The following RUNX1T1 variants were observed in gnomAD, a reference collection of about 807,000 sequenced individuals.
RUNX1T1 encodes RUNX1 partner transcriptional co-repressor 1, also known as protein CBFA2T1.
In RUNX1T1, 4 loss-of-function variants were observed where a neutral mutation model predicts 62.8. That is an observed-to-expected ratio of 0.06 (90% CI 0.03 to 0.15). The LOEUF (loss-of-function observed/expected upper bound fraction) is 0.15, where lower values mean the gene tolerates loss of function less well. Ranked by LOEUF, RUNX1T1 falls within the 10% of genes least tolerant of loss-of-function variation. RUNX1T1 has a pLI of 1.00. For missense variants in RUNX1T1, 508 were observed against 754.3 expected (o/e 0.67, Z 3.82); for synonymous variants, 291 against 286.0 (o/e 1.02, Z -0.18).
intron 3 of RUNX1T1, 46 bp downstream of exon 4, chr8:92,014,533 A>G (rs770940653): frequency 1.3e-6 from 2 of 1,538,730 alleles, no homozygotes; most frequent in African/African-American, 1.4e-5. Context: ...TCCCACCCAC[A>G]CTATCCCTTA....
chr8:91,962,044 C>T (rs1234653086), intron 10 of RUNX1T1, among the ~76,000 whole-genome samples: 1 of 152,196 alleles, frequency 6.6e-6, no homozygotes, highest in East Asian at 1.9e-4. Context: ...GTCAGCCCAT[C>T]ACCCTGTGTA....
chr8:92,065,125 G>T (rs548084177), upstream of RUNX1T1, among the ~76,000 whole-genome samples: 1 of 152,076 alleles, frequency 6.6e-6, no homozygotes, highest in South Asian at 2.1e-4. Context: ...AGGGAAACCT[G>T]GATATGTAGT....
intron 1 of RUNX1T1, chr8:92,095,200 AT>A: frequency 6.5e-7 from 1 of 1,534,958 alleles, no homozygotes. Flanking sequence ...AACATGTTAC[AT>A]CTTCACTTCT....
rs528839034 is a variant in RUNX1T1 at position 91,982,219 on chromosome 8, A to C, written c.1198+3905T>G. ...GCCACCACACTCCACCCTGAGCAAC[A>C]AAGTGAGACCCTGTCTCAAAAAAAA... On this transcript the variant is annotated intron_variant, in intron 8 of 10. Coordinates refer to ENST00000396218, the Ensembl canonical transcript of RUNX1T1. 1.5e-4 allele frequency among the ~76,000 whole-genome samples: 23 copies of C among 149,740 alleles called. No homozygotes were observed. In the South Asian group the frequency reaches 5.0e-3, roughly 32 times the overall value.
chr8:91,957,729 G>A, downstream of RUNX1T1: 1 of 225,814 alleles, frequency 4.4e-6, no homozygotes, highest in Non-Finnish European at 8.8e-6. Flanking sequence ...GGACTGTCCA[G>A]TGTCACAAGC....
intron 1 of RUNX1T1, among the ~76,000 whole-genome samples, chr8:92,041,044 C>T (rs1031815070): frequency 4.6e-5 from 7 of 152,040 alleles, no homozygotes; most frequent in Admixed American, 2.6e-4. Flanking sequence ...TAATACTCAC[C>T]GAGCATTTAC....
chr8:92,053,712 A>G (rs925125621), intron 1 of RUNX1T1, among the ~76,000 whole-genome samples: 1 of 152,206 alleles, frequency 6.6e-6, no homozygotes, highest in African/African-American at 2.4e-5. Flanking sequence ...GTTAATTAAC[A>G]TGCTTTGTGT....
rs893118475 is a variant in RUNX1T1 at position 92,012,391 on chromosome 8, A to G, written c.388-1300T>C. Among the ~76,000 whole-genome samples, 6 of 152,072 alleles carry G rather than the reference A, an allele frequency of 3.9e-5. No individual in the cohort carries two copies. The East Asian group carries it at 1.2e-3, about 30-fold the overall frequency. On this transcript the variant is annotated intron_variant, in intron 3 of 10. Transcript: ENST00000396218. Reference sequence around the variant, plus strand: ...AGATGATGTCACAAAAAAATTAGCCAGGTGTGGTGGTGTGTGCCTCTAGTT... The same window carrying G: ...AGATGATGTCACAAAAAAATTAGCCGGGTGTGGTGGTGTGTGCCTCTAGTT...
intron 1 of RUNX1T1, among the ~76,000 whole-genome samples, chr8:92,018,496 A>G (rs1234817947): frequency 6.6e-6 from 1 of 152,188 alleles, no homozygotes; most frequent in Non-Finnish European, 1.5e-5. Flanking sequence ...CACCCAACGT[A>G]TTTTGAGGCA....
At chr8:92,101,354 A>G (rs1368594702), upstream of RUNX1T1, among the ~76,000 whole-genome samples, 2 of 152,224 alleles carry the variant, frequency 1.3e-5, no homozygotes, top group African/African-American at 4.8e-5. Context: ...TCAGAGTTAC[A>G]TTAAGCACAT....
chr8:92,068,510 G>C (rs978507619), intron 2 of RUNX1T1, among the ~76,000 whole-genome samples: 1 of 152,092 alleles, frequency 6.6e-6, no homozygotes, highest in Non-Finnish European at 1.5e-5. Flanking sequence ...AAATCGGAGG[G>C]CTCGAGAGCT....
intron 1 of RUNX1T1, among the ~76,000 whole-genome samples, chr8:92,094,305 GA>G (rs2130926814): frequency 6.6e-6 from 1 of 152,318 alleles, no homozygotes; most frequent in South Asian, 2.1e-4. Flanking sequence ...ACAATGTGTA[GA>G]AGGCAAAACA....
chr8:92,056,203 G>A (rs1831008194), intron 1 of RUNX1T1, among the ~76,000 whole-genome samples: 1 of 152,122 alleles, frequency 6.6e-6, no homozygotes, highest in Non-Finnish European at 1.5e-5. Context: ...CAAAAGCACA[G>A]CAATTGTCTT....
intron 10 of RUNX1T1, among the ~76,000 whole-genome samples, 162 bp from the exon 12 acceptor site, chr8:91,960,679 A>C (rs1044997789): frequency 2.0e-5 from 3 of 152,246 alleles, no homozygotes; most frequent in African/African-American, 7.2e-5. Flanking sequence ...CTAAACACAG[A>C]AGATGCAGGT....
rs182892531 is a variant in RUNX1T1 at position 92,088,047 on chromosome 8, T to A, written c.-86+11533A>T. 3.2e-3 allele frequency among the ~76,000 whole-genome samples: 483 copies of A among 152,304 alleles called. 9 individuals carry two copies. Among genetic ancestry groups the A allele is most frequent in the East Asian group, 2.1e-3 (11 of 5,176 alleles). On this transcript the variant is annotated intron_variant, in intron 1 of 11. Coordinates refer to the RUNX1T1 transcript ENST00000265814. ...ATCAGAGGTCAAATGCGGAACTCAT[T>A]TCTAAATAAATCTAGCTGAACCGGA... is the stretch of plus-strand genomic sequence containing the variant.
At chr8:92,066,517 A>G (rs1354867655), upstream of RUNX1T1, among the ~76,000 whole-genome samples, 1 of 152,210 alleles carries the variant, frequency 6.6e-6, no homozygotes, top group Non-Finnish European at 1.5e-5. Context: ...CATCCCACTG[A>G]TAAGGCAAAC....
chr8:91,988,310 T>C (rs1816982042), intron 6 of RUNX1T1, among the ~76,000 whole-genome samples: 1 of 152,092 alleles, frequency 6.6e-6, no homozygotes, highest in African/African-American at 2.4e-5. Context: ...AATTAGAACA[T>C]ATTCTGAGAT....
intron 2 of RUNX1T1, among the ~76,000 whole-genome samples, chr8:92,070,305 G>A (rs1833480860): frequency 6.6e-6 from 1 of 152,216 alleles, no homozygotes; most frequent in South Asian, 2.1e-4. Context: ...TTTGTTGGTG[G>A]AGGAGAACAC....
At chr8:92,045,804 G>T (rs920099607) in intron 1 of RUNX1T1, among the ~76,000 whole-genome samples, 1 of 152,078 alleles carries the variant, frequency 6.6e-6, no homozygotes, top group African/African-American at 2.4e-5. Context: ...GTAGAAAGTC[G>T]TTCCCAGAAT....
Sources: allele counts gnomAD v4.1 joint callset (sites outside exome capture counted in the v4.1 genomes callset), GRCh38; gene constraint gnomAD v4.1.1; transcripts MANE v1.5; gene names NCBI Gene and HGNC (gene_info 2026-07-23, HGNC 2026-07-21).